The following MTAP variants were observed in gnomAD, a reference collection of about 807,000 sequenced individuals.
The protein encoded by MTAP is S-methyl-5'-thioadenosine phosphorylase.
A neutral mutation model predicts 33.6 loss-of-function variants in MTAP; 33 were observed. That is an observed-to-expected ratio of 0.98 (90% CI 0.74 to 1.31). The LOEUF is 1.31. MTAP is among the 40% of genes most tolerant of loss of function. The pLI is 0.00. For missense variants in MTAP, 367 were observed against 360.0 expected, an observed-to-expected ratio of 1.02 and a Z score of -0.16; for synonymous variants, 148 against 125.7, an observed-to-expected ratio of 1.18 and a Z score of -1.19.
At chr9:21,872,099 G>C (rs1407466252) in intron 1 of MTAP, among the ~76,000 whole-genome samples, 1 of 152,112 alleles carries the variant, frequency 6.6e-6, no homozygotes, top group Non-Finnish European at 1.5e-5. Flanking sequence ...GATCACTTGA[G>C]GTCAGGAGTT....
chr9:21,889,183 TTTTC>T (rs1000317320), intron 1 of MTAP, among the ~76,000 whole-genome samples: 88 of 152,188 alleles, frequency 5.8e-4, no homozygotes, highest in African/African-American at 2.0e-3. Context: ...AAAAATTTTT[TTTTC>T]TTTGTCTTTG....
intron 1 of MTAP, among the ~76,000 whole-genome samples, chr9:21,929,159 C>A (rs1194185511): frequency 1.3e-5 from 2 of 152,030 alleles, no homozygotes; most frequent in Non-Finnish European, 2.9e-5. Flanking sequence ...ATACATCATG[C>A]CTGGGTGAAG....
intron 2 of MTAP, 88 bp from the exon 3 acceptor site, chr9:21,816,626 C>A: frequency 1.8e-6 from 2 of 1,106,268 alleles, no homozygotes; most frequent in Non-Finnish European, 1.3e-6. Flanking sequence ...TCTTCAGATT[C>A]CATGAGTCCT....
downstream of MTAP, among the ~76,000 whole-genome samples, chr9:21,938,290 A>AG (rs1172241335): frequency 6.6e-6 from 1 of 150,776 alleles, no homozygotes; most frequent in Non-Finnish European, 1.5e-5. Flanking sequence ...AAAAAAAAAA[A>AG]TTAGCCTAAC....
chr9:21,825,737 A>T (rs953896291), intron 4 of MTAP, among the ~76,000 whole-genome samples: 4 of 152,218 alleles, frequency 2.6e-5, no homozygotes, highest in African/African-American at 9.6e-5. Flanking sequence ...GATACTTAAG[A>T]GACTGAGGTG....
chr9:21,817,552 G>T (rs1049161622), intron 3 of MTAP, among the ~76,000 whole-genome samples: 2 of 152,014 alleles, frequency 1.3e-5, no homozygotes, highest in Non-Finnish European at 2.9e-5. Flanking sequence ...CTGCCGTGTG[G>T]CCTGCTCCAC....
intron 5 of MTAP, among the ~76,000 whole-genome samples, chr9:21,839,514 T>C (rs1030384209): frequency 1.3e-5 from 2 of 152,140 alleles, no homozygotes; most frequent in African/African-American, 4.8e-5. Flanking sequence ...CACATGTAAA[T>C]GTGGGTCTGT....
In MTAP at chr9:21,826,609, T is replaced by TTTATTATTATTA. The variant is rs149631009; in HGVS notation, c.347+8437_347+8448dup. 6.5e-4 allele frequency among the ~76,000 whole-genome samples: 91 copies of TTTATTATTATTA among 140,890 alleles called. 1 individual carries two copies. Among genetic ancestry groups the TTTATTATTATTA allele is most frequent in the East Asian group, 3.4e-3 (16 of 4,736 alleles). 92.4% of individuals were successfully genotyped at this position (140,890 alleles called of 152,430 possible). A position where few individuals can be genotyped will look rare whatever the true frequency, so the allele number is the denominator to read the frequency against. On this transcript the variant is annotated intron_variant, in intron 4 of 7. Coordinates refer to ENST00000644715, the MANE Select transcript of MTAP (RefSeq NM_002451.4). ...AGGTGCCAGAGGTGCTGGGGTTTTG[T>TTTATTATTATTA]TTATTATTATTATTATTATTATTAT...
intron 4 of MTAP, among the ~76,000 whole-genome samples, chr9:21,824,472 C>T (rs1358148430): frequency 6.6e-6 from 1 of 152,180 alleles, no homozygotes; most frequent in East Asian, 1.9e-4. Context: ...AGCTTCGTCT[C>T]AGAGGGGTAC....
downstream of MTAP, among the ~76,000 whole-genome samples, chr9:21,868,823 C>T (rs113858184): frequency 4.6e-5 from 7 of 152,282 alleles, no homozygotes; most frequent in Admixed American, 6.5e-5. Context: ...AACGGGAGCA[C>T]GCATCGTCAT....
intron 1 of MTAP, among the ~76,000 whole-genome samples, chr9:21,925,535 A>G (rs1211933641): frequency 6.6e-6 from 1 of 152,222 alleles, no homozygotes; most frequent in East Asian, 1.9e-4. Flanking sequence ...GCCCTCTCCA[A>G]GTTGCCCTCA....
At chr9:21,851,108 A>G (rs943598149) in intron 5 of MTAP, among the ~76,000 whole-genome samples, 1 of 152,228 alleles carries the variant, frequency 6.6e-6, no homozygotes, top group African/African-American at 2.4e-5. Flanking sequence ...AATTAAGGTC[A>G]TTGGGAAACT....
chr9:21,811,678 C>G, intron 1 of MTAP: 2 of 530,532 alleles, frequency 3.8e-6, no homozygotes, highest in Non-Finnish European at 7.7e-6. Flanking sequence ...TGGCCTCCTG[C>G]TACTGCTGGT....
chr9:21,861,345 A>G (rs894596668), intron 7 of MTAP: 1 of 152,476 alleles, frequency 6.6e-6, no homozygotes, highest in Non-Finnish European at 1.5e-5. Flanking sequence ...ACACATACAT[A>G]CATATACACA....
chr9:21,830,534 A>T (rs1013257912), intron 4 of MTAP, among the ~76,000 whole-genome samples: 1 of 152,254 alleles, frequency 6.6e-6, no homozygotes, highest in Admixed American at 6.5e-5. Flanking sequence ...GCGATTAAAC[A>T]GTCAGTTTGA....
In MTAP at chr9:21,866,585, A is replaced by G. The variant is rs145033500; in HGVS notation, c.*4571A>G. The G allele has an allele frequency of 1.5e-4, 23 of 152,128 alleles. No homozygotes were observed. The highest frequency in any genetic ancestry group is 5.5e-4 in the African/African-American group (23 of 41,530). The allele number at this position is 152,128 out of a possible 1,614,324, so 9.4% of individuals were successfully genotyped here. The stretch of plus-strand genomic sequence containing the variant: ...ATCTGTGAATCTGGATGATCTATTT[A>G]TGTCATTTATCTATGTGTCTCTTCT... On this transcript the variant is annotated 3_prime_UTR_variant, in exon 8 of 8. Coordinates refer to ENST00000644715, the MANE Select transcript of MTAP (RefSeq NM_002451.4).
Position 21,862,261 on chromosome 9 carries a change from G to A in MTAP, c.*247G>A. The A allele has an allele frequency of 2.1e-6, 2 of 954,760 alleles. No homozygotes were observed. The highest frequency in any genetic ancestry group is 3.2e-5 in the South Asian group (1 of 30,978). The allele number at this position is 954,760 out of a possible 1,614,324, so 59.1% of individuals were successfully genotyped here. On this transcript the variant is annotated 3_prime_UTR_variant, in exon 8 of 8. Transcript: ENST00000644715. ...TGGGAAAAAATATTACATTTTAAGG[G>A]GGAAAAAAAAACCCACCATTCTCTT...
At position 21,859,620 on chromosome 9, in the gene MTAP, G is replaced by A. The variant is rs1825713401; in HGVS notation, c.813+195G>A. 9.7e-6 allele frequency: 5 copies of A among 513,356 alleles called. No homozygotes were observed. In the South Asian group the frequency reaches 1.8e-4, roughly 18 times the overall value. 31.8% of individuals were successfully genotyped at this position (513,356 alleles called of 1,614,324 possible). ...TCTTATTTTCTGGCTGGTAGTGCAA[G>A]ACCACTGAAGGCTAGGGTTGAGAGA... On this transcript the variant is annotated intron_variant, in intron 7 of 7. Coordinates refer to ENST00000644715, the MANE Select transcript of MTAP (RefSeq NM_002451.4).
At position 21,863,057 on chromosome 9, in the gene MTAP, C is replaced by A. The variant is rs1021390461; in HGVS notation, c.*1043C>A. 3.2e-5 allele frequency: 32 copies of A among 985,218 alleles called. No individual in the cohort carries two copies. The African/African-American group carries it at 5.2e-4, about 16-fold the overall frequency. 61.0% of individuals were successfully genotyped at this position (985,218 alleles called of 1,614,324 possible). On this transcript the variant is annotated 3_prime_UTR_variant, in exon 8 of 8. Transcript: ENST00000644715. ...TCTTTATTCTGCTAAAGAAGAGGAT[C>A]ATTGATTTCTGTACAGTCAGAACAG...
Sources: gnomAD v4.1 joint callset for allele counts (sites outside exome capture counted in the v4.1 genomes callset) on GRCh38, gnomAD v4.1.1 for gene constraint, MANE v1.5 for transcripts, NCBI Gene and HGNC (gene_info 2026-07-23, HGNC 2026-07-21) for gene names.